EBF1: variants seen among roughly 807,000 people sequenced by gnomAD.
EBF1 encodes the protein transcription factor COE1.
EBF1 carries 10 observed loss-of-function variants against 68.4 expected under a neutral mutation model. The ratio of observed to expected loss-of-function variants is 0.15; its 90% CI spans 0.09 to 0.25. EBF1 has a LOEUF of 0.25. EBF1 is among the 10% of genes least tolerant of loss of function. The pLI is 1.00. For synonymous variants in EBF1, 298 were observed against 299.8 expected (o/e 0.99, Z 0.06); for missense variants, 509 against 794.4 (o/e 0.64, Z 4.32).
At chr5:158,873,543 C>A (rs946803388) in intron 6 of EBF1, among the ~76,000 whole-genome samples, 1 of 152,116 alleles carries the variant, frequency 6.6e-6, no homozygotes, top group African/African-American at 2.4e-5. Flanking sequence ...TGACACTTTC[C>A]ATTCCTACTA....
intron 10 of EBF1, among the ~76,000 whole-genome samples, chr5:158,766,972 T>C (rs1007883336): frequency 6.6e-6 from 1 of 152,200 alleles, no homozygotes; most frequent in Non-Finnish European, 1.5e-5. Flanking sequence ...AACTTTACAG[T>C]CTTGCATTAC....
chr5:158,923,752 A>G (rs978357757), intron 6 of EBF1, among the ~76,000 whole-genome samples: 5 of 152,178 alleles, frequency 3.3e-5, no homozygotes, highest in African/African-American at 4.8e-5. Flanking sequence ...TGCCCAGCCC[A>G]TTTCACTGTA....
chr5:159,024,741 C>A (rs1767372490), intron 6 of EBF1, among the ~76,000 whole-genome samples: 1 of 152,202 alleles, frequency 6.6e-6, no homozygotes, highest in African/African-American at 2.4e-5. Flanking sequence ...TCATATGATT[C>A]TTTGTACTCA....
At chr5:158,709,220 C>T (rs1561695842) in intron 14 of EBF1, among the ~76,000 whole-genome samples, 1 of 152,172 alleles carries the variant, frequency 6.6e-6, no homozygotes, top group Non-Finnish European at 1.5e-5. Context: ...TATTTTTTCA[C>T]ACAACTTAAT....
chr5:158,829,637 G>A (rs1249066042), intron 7 of EBF1, among the ~76,000 whole-genome samples: 1 of 152,076 alleles, frequency 6.6e-6, no homozygotes, highest in African/African-American at 2.4e-5. Flanking sequence ...ACCTAAAACT[G>A]CTCTACAAAA....
chr5:158,796,948 C>T (rs1243446196), intron 8 of EBF1, among the ~76,000 whole-genome samples: 2 of 152,256 alleles, frequency 1.3e-5, no homozygotes, highest in South Asian at 2.1e-4. Context: ...ATGATTCTTG[C>T]TCCATGCCTT....
At chr5:158,892,395 A>G (rs1244228708) in intron 6 of EBF1, among the ~76,000 whole-genome samples, 1 of 152,142 alleles carries the variant, frequency 6.6e-6, no homozygotes, top group Admixed American at 6.6e-5. Context: ...AAGCTGAGGG[A>G]GGAGAATTGC....
intron 6 of EBF1, among the ~76,000 whole-genome samples, chr5:158,955,488 C>T (rs769272292): frequency 4.6e-5 from 7 of 152,186 alleles, no homozygotes; most frequent in African/African-American, 1.7e-4. Flanking sequence ...CCATATCTCA[C>T]TGCTCCTCTC....
chr5:159,088,873 A>C (rs2127991993), intron 4 of EBF1, among the ~76,000 whole-genome samples: 1 of 152,260 alleles, frequency 6.6e-6, no homozygotes, highest in African/African-American at 2.4e-5. Context: ...GAGGTTTGTA[A>C]CCTAAGAATC....
intron 6 of EBF1, among the ~76,000 whole-genome samples, chr5:159,021,107 C>G (rs1443903933): frequency 6.6e-6 from 1 of 152,300 alleles, no homozygotes; most frequent in African/African-American, 2.4e-5. Flanking sequence ...TCAGTAGCAA[C>G]TTTGAATTTA....
At chr5:158,712,900 G>A in intron 13 of EBF1, 70 bp downstream of exon 13, 1 of 1,354,346 alleles carries the variant, frequency 7.4e-7, no homozygotes, top group Middle Eastern at 2.0e-4. Context: ...TGTAAAAATT[G>A]TTCATGACCA....
intron 9 of EBF1, among the ~76,000 whole-genome samples, chr5:158,787,417 G>A (rs1292351939): frequency 6.6e-6 from 1 of 152,172 alleles, no homozygotes. Flanking sequence ...TAGGAAAACA[G>A]ATAACATAGT....
intron 6 of EBF1, among the ~76,000 whole-genome samples, chr5:159,053,589 C>T (rs1180386392): frequency 6.1e-5 from 9 of 147,424 alleles, no homozygotes; most frequent in Non-Finnish European, 1.3e-4. Flanking sequence ...CCCCTCTCTC[C>T]CTCTCTCTCT....
intron 6 of EBF1, among the ~76,000 whole-genome samples, chr5:159,055,391 C>T (rs1189233431): frequency 1.3e-5 from 2 of 152,242 alleles, no homozygotes; most frequent in East Asian, 3.9e-4. Flanking sequence ...CACAGAGGCT[C>T]ACATATCTAA....
chr5:159,080,150 C>T (rs2127968483), intron 5 of EBF1, among the ~76,000 whole-genome samples: 1 of 152,300 alleles, frequency 6.6e-6, no homozygotes, highest in African/African-American at 2.4e-5. Flanking sequence ...ATCCAGAACT[C>T]AGGACCATCC....
At chr5:158,763,292 C>T (rs1771919471) in intron 10 of EBF1, among the ~76,000 whole-genome samples, 1 of 152,144 alleles carries the variant, frequency 6.6e-6, no homozygotes, top group African/African-American at 2.4e-5. Flanking sequence ...CCACTAAGTC[C>T]CTCCCCAAAT....
At chr5:158,736,805 CA>C (rs1357950748) in intron 10 of EBF1, among the ~76,000 whole-genome samples, 1 of 152,150 alleles carries the variant, frequency 6.6e-6, no homozygotes, top group Non-Finnish European at 1.5e-5. Flanking sequence ...CAGAGGTAAA[CA>C]ATAAAACAGC....
intron 10 of EBF1, among the ~76,000 whole-genome samples, chr5:158,750,761 CT>C (rs1768665353): frequency 6.6e-6 from 1 of 150,664 alleles, no homozygotes. Context: ...AAATCTACCA[CT>C]TGCAAAAAAA....
chr5:158,845,470 G>A (rs145884383), intron 6 of EBF1, among the ~76,000 whole-genome samples: 3 of 152,176 alleles, frequency 2.0e-5, no homozygotes, highest in African/African-American at 7.2e-5. Flanking sequence ...AGAGTTAAGA[G>A]AATTAAATGA....
Sources: allele counts gnomAD v4.1 joint callset (sites outside exome capture counted in the v4.1 genomes callset), GRCh38; gene constraint gnomAD v4.1.1; transcripts MANE v1.5; gene names NCBI Gene and HGNC (gene_info 2026-07-23, HGNC 2026-07-21).